Variants in PKP3 observed in about 807,000 individuals in gnomAD.
PKP3 encodes plakophilin-3.
Under a neutral mutation model 76.5 loss-of-function variants are expected in PKP3, and 66 were observed. The ratio of observed to expected loss-of-function variants is 0.86; its 90% CI spans 0.71 to 1.06. The LOEUF (loss-of-function observed/expected upper bound fraction) is 1.06. PKP3 is among the 50% of genes least tolerant of loss of function. PKP3 has a pLI of 0.00. For missense variants in PKP3, 1,338 were observed against 1,141.0 expected (o/e 1.17, Z -2.49); for synonymous variants, 638 against 516.5 (o/e 1.24, Z -3.19).
In PKP3 at chr11:396,608, G is replaced by A. The variant is rs751766192; in HGVS notation, c.233G>A (p.Gly78Asp). The change falls in exon 2 of 13, where the codon GGC (glycine) becomes GAC (aspartate). Residue 78 changes from glycine (G) to aspartate (D), a missense_variant and splice_region_variant. Gly to Asp is a moderately conservative substitution (Grantham distance 94). Transcript: ENST00000331563. Reference protein sequence around the residue: ...EPEPEAETARGTSRGQYHTLQ... With the variant: ...EPEPEAETARDTSRGQYHTLQ... ...GGGCTACCACCGTCCCTCTCCACAG[G>A]CACATCCAGGGGGCAGTACCACACC... 4 of 1,602,454 alleles carry A rather than the reference G, an allele frequency of 2.5e-6. No homozygotes were observed. The East Asian group carries it at 8.9e-5, about 36-fold the overall frequency.
At chr11:399,817 C>T (rs1330563926) in intron 5 of PKP3, 150 bp from the exon 6 acceptor site, 25 of 642,892 alleles carry the variant, frequency 3.9e-5, no homozygotes, top group Non-Finnish European at 6.4e-5. Context: ...ACCTCAAATG[C>T]CACCCCAGGG....
rs538809936 is a variant in PKP3, at chr11:404,525, C to T, written c.2359-9C>T. On this transcript the variant is annotated splice_polypyrimidine_tract_variant and intron_variant, in intron 12 of 12. Transcript: ENST00000331563. The surrounding 1 kb of genome is among the most constrained non-coding windows in gnomAD (Gnocchi z 4.2). The stretch of plus-strand genomic sequence containing the variant: ...ATGCACCCTGACCTTGGGCCTCTCT[C>T]CACTGTAGAAGGGCTATCGGAAGGA... 1.1e-5 allele frequency: 17 copies of T among 1,612,342 alleles called. No individual in the cohort carries two copies. The highest frequency in any genetic ancestry group is 1.4e-5 in the Non-Finnish European group (17 of 1,179,714).
At chr11:396,760 GC>G (rs1564878509) in intron 2 of PKP3, 53 bp from the exon 3 acceptor site, 4 of 1,571,888 alleles carry the variant, frequency 2.5e-6, no homozygotes, top group South Asian at 2.3e-5. Context: ...TCTGCAGCGG[GC>G]CCGGACACAG....
At chr11:397,792 C>T in intron 4 of PKP3, 130 bp downstream of exon 4, 1 of 854,570 alleles carries the variant, frequency 1.2e-6, no homozygotes, top group Non-Finnish European at 1.8e-6. Context: ...CCCACTCTGT[C>T]TGGAGCCCCC....
rs765233755 is a variant in PKP3, at chr11:400,613, C to A, written c.1645C>A (p.Arg549=). The A allele has an allele frequency of 1.5e-5, 21 of 1,437,906 alleles. No homozygotes were observed. The highest frequency in any genetic ancestry group is 1.4e-5 in the South Asian group (1 of 71,780). The allele number at this position is 1,437,906 out of a possible 1,614,324, so 89.1% of individuals were successfully genotyped here. A position where few individuals can be genotyped will look rare whatever the true frequency, so the allele number is the denominator to read the frequency against. ...YDEMPPSALQ[R]LEGRGRRDLA... ...CGAGATGCCGCCGTCCGCGCTGCAG[C>A]GGCTGGAGGGTCGCGGCCGCAGGGA... is the stretch of plus-strand genomic sequence containing the variant. The change falls in exon 8 of 13, where the codon CGG becomes AGG. Residue 549 remains arginine, a synonymous_variant. Coordinates refer to ENST00000331563, the MANE Select transcript of PKP3 (RefSeq NM_007183.4).
intron 9 of PKP3, 29 bp from the exon 10 acceptor site, chr11:403,589 G>T: frequency 6.3e-7 from 1 of 1,596,590 alleles, no homozygotes; most frequent in Non-Finnish European, 8.5e-7. Flanking sequence ...AGGCCTCCGG[G>T]TCACGGCTCA....
At position 396,977 on chromosome 11, in the gene PKP3, C is replaced by T; in HGVS notation, c.476C>T (p.Thr159Ile). 1.3e-6 allele frequency: 2 copies of T among 1,599,250 alleles called. No homozygotes were observed. Among genetic ancestry groups the T allele is most frequent in the South Asian group, 1.1e-5 (1 of 90,754 alleles). ...GCCCAGCCCACCCCTCCCATGCCCACCAGGCCCGTGTCCTTCCATGAGCGC... is the reference window on the plus strand; with the variant it reads ...GCCCAGCCCACCCCTCCCATGCCCATCAGGCCCGTGTCCTTCCATGAGCGC... ...GGAQPTPPMPTRPVSFHERGG... is the reference protein window; with the variant it reads ...GGAQPTPPMPIRPVSFHERGG... Residue 159 changes from threonine (T) to isoleucine (I), a missense_variant, in exon 3 of 13, where the codon ACC (threonine) becomes ATC (isoleucine). Thr to Ile is a moderately conservative substitution (Grantham distance 89). Transcript: ENST00000331563.
chr11:403,186 C>A lies in PKP3; in HGVS notation c.1846C>A (p.Gln616Lys). 1 of 1,589,258 alleles carries A rather than the reference C, an allele frequency of 6.3e-7. No individual in the cohort carries two copies. ...QIVGLYNRLL[Q>K]RCELNRHTTE... ...CGTGGGGCTGTACAACCGGCTGCTG[C>A]AGCGCTGCGAGCTCAACCGGCACAC... Residue 616 changes from glutamine to lysine, a missense_variant, in exon 9 of 13, where the codon CAG (glutamine) becomes AAG (lysine). Transcript: ENST00000331563.
In PKP3 at chr11:403,068, C is replaced by T; in HGVS notation, c.1738-10C>T. 6 of 1,481,890 alleles carry T rather than the reference C, an allele frequency of 4.0e-6. No individual in the cohort carries two copies. The highest frequency in any genetic ancestry group is 5.4e-6 in the Non-Finnish European group (6 of 1,118,728). The allele number at this position is 1,481,890 out of a possible 1,614,324, so 91.8% of individuals were successfully genotyped here. On this transcript the variant is annotated splice_polypyrimidine_tract_variant and intron_variant, in intron 8 of 12. Transcript: ENST00000331563. ...CCCCGACCCCGCCGACTCCTCCCCG[C>T]CCTGCGCAGCTGCCCCTCGCCGCCG...
At chr11:393,138 T>C (rs1314638104), upstream of PKP3, among the ~76,000 whole-genome samples, 1 of 138,990 alleles carries the variant, frequency 7.2e-6, no homozygotes, top group East Asian at 2.2e-4. Context: ...TCCCAGAGGC[T>C]AGAGGGCCTC....
chr11:403,612 C>T lies in PKP3; in HGVS notation c.1924-6C>T, dbSNP rs370306006. The T allele has an allele frequency of 4.4e-6, 7 of 1,602,850 alleles. No individual in the cohort carries two copies. The African/African-American group carries it at 9.3e-5, about 21-fold the overall frequency. On this transcript the variant is annotated splice_polypyrimidine_tract_variant and splice_region_variant and intron_variant, in intron 9 of 12. Coordinates refer to ENST00000331563, the MANE Select transcript of PKP3 (RefSeq NM_007183.4). Reference sequence around the variant, plus strand: ...GGGTCACGGCTCACACCCTCCCTCCCCACAGTGGGCGGGGGTGCTGAGCCG... The same window carrying T: ...GGGTCACGGCTCACACCCTCCCTCCTCACAGTGGGCGGGGGTGCTGAGCCG...
Position 397,312 on chromosome 11 carries a change from G to T in PKP3, c.811G>T (p.Val271Phe), listed in dbSNP as rs767775391. The T allele has an allele frequency of 1.3e-6, 2 of 1,590,990 alleles. No homozygotes were observed. The highest frequency in any genetic ancestry group is 2.7e-5 in the African/African-American group (2 of 74,456). Residue 271 changes from valine (V) to phenylalanine (F), a missense_variant, in exon 3 of 13, where the codon GTC becomes TTC. Transcript: ENST00000331563. ...RGVGGAVPGA[V>F]LEPVARAPSV... The stretch of plus-strand genomic sequence containing the variant: ...GGTAGGCGGGGCAGTGCCGGGGGCC[G>T]TCCTGGAGCCAGTGGCTCGAGCGCC...
rs751501574 is a variant in PKP3, at chr11:398,966, G to T, written c.1069-26G>T. 5 of 1,519,106 alleles carry T rather than the reference G, an allele frequency of 3.3e-6. No homozygotes were observed. In the African/African-American group the frequency reaches 6.9e-5, roughly 21 times the overall value. 94.1% of individuals were successfully genotyped at this position (1,519,106 alleles called of 1,614,324 possible). ...TCTGCATCCATCCACATGCGTCTGT[G>T]CACCCCCATATGCCTGTGCCCGCAG... On this transcript the variant is annotated intron_variant, in intron 4 of 12. Coordinates refer to ENST00000331563, the MANE Select transcript of PKP3 (RefSeq NM_007183.4).
chr11:404,421 G>A lies in PKP3; in HGVS notation c.2358+98G>A, dbSNP rs1326611704. ...GAGGCCCATGGGAGGATGGAGACCAGGGACCCAGAGAGGAAGGGTCCGGGC... is the reference window on the plus strand; with the variant it reads ...GAGGCCCATGGGAGGATGGAGACCAAGGACCCAGAGAGGAAGGGTCCGGGC... On this transcript the variant is annotated intron_variant, in intron 12 of 12. Coordinates refer to ENST00000331563, the MANE Select transcript of PKP3 (RefSeq NM_007183.4). The surrounding 1 kb of genome is among the most constrained non-coding windows in gnomAD (Gnocchi z 4.2). 1.4e-6 allele frequency: 2 copies of A among 1,464,580 alleles called. No homozygotes were observed. The highest frequency in any genetic ancestry group is 2.3e-5 in the South Asian group (2 of 88,152). The allele number at this position is 1,464,580 out of a possible 1,614,324, so 90.7% of individuals were successfully genotyped here.
Position 403,678 on chromosome 11 carries a change from G to A in PKP3, c.1984G>A (p.Asp662Asn), listed in dbSNP as rs922683749. 1.2e-6 allele frequency: 2 copies of A among 1,610,404 alleles called. No individual in the cohort carries two copies. The highest frequency in any genetic ancestry group is 1.7e-6 in the Non-Finnish European group (2 of 1,179,800). Residue 662 changes from aspartate to asparagine, a missense_variant, in exon 10 of 13, where the codon GAC (aspartate) becomes AAC (asparagine). Asp to Asn is a conservative substitution (Grantham distance 23, BLOSUM62 1). Transcript: ENST00000331563. The stretch of plus-strand genomic sequence containing the variant: ...GGAGCGTATTCTGAACCCCCTGCTA[G>A]ACCGTGTCAGGACCGCCGACCACCA... ...EQERILNPLLDRVRTADHHQL... is the reference protein window; with the variant it reads ...EQERILNPLLNRVRTADHHQL...
chr11:400,392 G>C lies in PKP3; in HGVS notation c.1507G>C (p.Val503Leu). 2 of 1,549,118 alleles carry C rather than the reference G, an allele frequency of 1.3e-6. No homozygotes were observed. Among genetic ancestry groups the C allele is most frequent in the Non-Finnish European group, 1.7e-6 (2 of 1,146,268 alleles). ...RQKMRECHGL[V>L]DALVTSINHA... Reference sequence around the variant, plus strand: ...GAAGATGCGGGAGTGCCACGGGCTGGTGGACGCCCTGGTCACCTCTATCAA... The same window carrying C: ...GAAGATGCGGGAGTGCCACGGGCTGCTGGACGCCCTGGTCACCTCTATCAA... Residue 503 changes from valine (V) to leucine (L), a missense_variant, in exon 7 of 13, where the codon GTG (valine) becomes CTG (leucine). Coordinates refer to ENST00000331563, the MANE Select transcript of PKP3 (RefSeq NM_007183.4).
upstream of PKP3, chr11:392,714 T>G (rs1590349802): frequency 7.8e-7 from 1 of 1,282,750 alleles, no homozygotes; most frequent in African/African-American, 1.5e-5. Flanking sequence ...GCCGGGTAGG[T>G]CTCCCACCCC....
In PKP3 at chr11:399,033, C is replaced by A; in HGVS notation, c.1110C>A (p.Phe370Leu). 3.1e-6 allele frequency: 5 copies of A among 1,604,372 alleles called. No homozygotes were observed. The highest frequency in any genetic ancestry group is 4.3e-6 in the Non-Finnish European group (5 of 1,174,086). Residue 370 changes from phenylalanine to leucine, a missense_variant, in exon 5 of 13, where the codon TTC becomes TTA. Physicochemically the swap from Phe to Leu is conservative, Grantham distance 22. Coordinates refer to ENST00000331563, the MANE Select transcript of PKP3 (RefSeq NM_007183.4). ...LQAVPRLVKLFNHANQEVQRH... is the reference protein window; with the variant it reads ...LQAVPRLVKLLNHANQEVQRH... ...CCGTGCCTAGGCTGGTGAAGCTCTT[C>A]AACCACGCCAACCAGGAAGTGCAGC... is the stretch of plus-strand genomic sequence containing the variant.
chr11:403,956 G>T lies in PKP3; in HGVS notation c.2091G>T (p.Val697=). ...GGCCTCCCACAGCCACGAAGGTGGT[G>T]AGCCACCTGATCGAGAAGCTGCCGG... ...RNKDEMSTKV[V]SHLIEKLPGS... The change falls in exon 11 of 13, where the codon GTG becomes GTT. Residue 697 remains valine (V), a synonymous_variant. Transcript: ENST00000331563. 1.2e-6 allele frequency: 2 copies of T among 1,602,078 alleles called. No individual in the cohort carries two copies.
Sources: allele counts gnomAD v4.1 joint callset (sites outside exome capture counted in the v4.1 genomes callset), GRCh38; gene constraint gnomAD v4.1.1; non-coding constraint Gnocchi (gnomAD v3.1); transcripts MANE v1.5; gene names NCBI Gene and HGNC (gene_info 2026-07-23, HGNC 2026-07-21).